Variants in CHURC1 observed in about 807,000 individuals in gnomAD.
CHURC1 encodes the protein protein Churchill.
A neutral mutation model predicts 15.4 loss-of-function variants in CHURC1; 12 were observed. The ratio of observed to expected loss-of-function variants is 0.78; its 90% CI spans 0.50 to 1.27. CHURC1 has a LOEUF of 1.27. Among genes scored for constraint, CHURC1 ranks in the 50% most tolerant of loss-of-function variants. The pLI, the probability that CHURC1 is intolerant of heterozygous loss-of-function variation, is 0.00. For missense variants in CHURC1, 132 were observed against 137.8 expected, an observed-to-expected ratio of 0.96 and a Z score of 0.21; for synonymous variants, 42 against 47.5, an observed-to-expected ratio of 0.88 and a Z score of 0.48.
intron 1 of CHURC1, 79 bp from the exon 2 acceptor site, chr14:64,923,912 G>A: frequency 1.6e-6 from 2 of 1,284,584 alleles, no homozygotes; most frequent in South Asian, 4.7e-5. Flanking sequence ...TTTGCCTTTA[G>A]ACATTTTAAG....
intron 1 of CHURC1, among the ~76,000 whole-genome samples, chr14:64,918,984 C>A (rs372284801): frequency 2.0e-5 from 3 of 152,336 alleles, no homozygotes; most frequent in Non-Finnish European, 4.4e-5. Context: ...GTACTGAATT[C>A]TTAATGGGGC....
intron 1 of CHURC1, among the ~76,000 whole-genome samples, chr14:64,917,298 C>T (rs1222844431): frequency 6.6e-6 from 1 of 152,200 alleles, no homozygotes; most frequent in African/African-American, 2.4e-5. Context: ...CACGGTGGCT[C>T]ACGCCTATAA....
chr14:64,925,791 A>C (rs1884651707), intron 2 of CHURC1, among the ~76,000 whole-genome samples: 2 of 150,912 alleles, frequency 1.3e-5, no homozygotes, highest in African/African-American at 4.9e-5. Flanking sequence ...TTTTGGTGGC[A>C]ATTAATAAAA....
chr14:64,926,352 C>T (rs959860979), intron 3 of CHURC1, among the ~76,000 whole-genome samples: 4 of 151,838 alleles, frequency 2.6e-5, no homozygotes, highest in African/African-American at 9.7e-5. Context: ...AGCCCCATGC[C>T]TTTCTTATAT....
At chr14:64,914,961 GA>G (rs1197787345) in intron 1 of CHURC1, among the ~76,000 whole-genome samples, 1 of 152,254 alleles carries the variant, frequency 6.6e-6, no homozygotes, top group Non-Finnish European at 1.5e-5. Flanking sequence ...CCAGAGAGGG[GA>G]AATCACTTGC....
intron 1 of CHURC1, 27 bp downstream of exon 1, chr14:64,914,561 C>T (rs774359516): frequency 5.6e-6 from 9 of 1,613,718 alleles, no homozygotes; most frequent in Non-Finnish European, 6.8e-6. Flanking sequence ...TCCCTTGGCC[C>T]GCGGGCGGCC....
At chr14:64,923,758 C>T (rs1594896049) in intron 1 of CHURC1, among the ~76,000 whole-genome samples, 1 of 141,462 alleles carries the variant, frequency 7.1e-6, no homozygotes, top group South Asian at 2.3e-4. Context: ...TCCTTACAGA[C>T]TTAAGGATCT....
chr14:64,928,851 G>T (rs894055672), intron 3 of CHURC1, among the ~76,000 whole-genome samples: 1 of 151,916 alleles, frequency 6.6e-6, no homozygotes, highest in African/African-American at 2.4e-5. Flanking sequence ...CTGTTTTCTC[G>T]AAGTGATACT....
intron 1 of CHURC1, among the ~76,000 whole-genome samples, chr14:64,917,871 G>GA (rs1323964844): frequency 1.3e-5 from 2 of 152,192 alleles, no homozygotes; most frequent in African/African-American, 4.8e-5. Flanking sequence ...CATATGGGAA[G>GA]AAAAAACAAA....
intron 2 of CHURC1, chr14:64,924,494 A>G (rs28374620): frequency 0.036 from 5,521 of 154,856 alleles, 209 homozygotes; most frequent in African/African-American, 0.094. Flanking sequence ...CTGCTACAGT[A>G]TAATACCATG....
intron 1 of CHURC1, among the ~76,000 whole-genome samples, chr14:64,922,414 T>TA (rs1304768125): frequency 1.3e-5 from 2 of 151,574 alleles, no homozygotes; most frequent in Non-Finnish European, 2.9e-5. Context: ...CCATCTCTAC[T>TA]AAAAATACGA....
At chr14:64,918,864 G>A (rs1884075977) in intron 1 of CHURC1, among the ~76,000 whole-genome samples, 1 of 152,112 alleles carries the variant, frequency 6.6e-6, no homozygotes, top group Non-Finnish European at 1.5e-5. Flanking sequence ...AAAATCATTT[G>A]TTGGGAAGCT....
chr14:64,934,817 A>T lies in CHURC1; in HGVS notation c.*2587A>T. 4.1e-6 allele frequency: 4 copies of T among 985,328 alleles called. No individual in the cohort carries two copies. The highest frequency in any genetic ancestry group is 4.8e-6 in the Non-Finnish European group (4 of 829,826). 61.0% of individuals were successfully genotyped at this position (985,328 alleles called of 1,614,324 possible). On this transcript the variant is annotated 3_prime_UTR_variant, in exon 4 of 4. Transcript: ENST00000549115. The stretch of plus-strand genomic sequence containing the variant: ...TTTTATATGCCCTGCCAATGTCCTC[A>T]TCTATTGCAGAATGTATAATTATCT...
In CHURC1 at chr14:64,934,806, C is replaced by T; in HGVS notation, c.*2576C>T. The T allele has an allele frequency of 1.0e-6, 1 of 985,308 alleles. No homozygotes were observed. The highest frequency in any genetic ancestry group is 1.2e-6 in the Non-Finnish European group (1 of 829,862). 61.0% of individuals were successfully genotyped at this position (985,308 alleles called of 1,614,324 possible). On this transcript the variant is annotated 3_prime_UTR_variant, in exon 4 of 4. Transcript: ENST00000549115. ...CAAGAGTCTAATTTTATATGCCCTG[C>T]CAATGTCCTCATCTATTGCAGAATG... is the stretch of plus-strand genomic sequence containing the variant.
intron 1 of CHURC1, among the ~76,000 whole-genome samples, chr14:64,917,065 A>G (rs1883941000): frequency 6.6e-6 from 1 of 152,194 alleles, no homozygotes. Context: ...GTGTGTAAAG[A>G]CAGAACTCCA....
At chr14:64,920,728 CAG>C (rs138436402) in intron 1 of CHURC1, among the ~76,000 whole-genome samples, 2 of 152,334 alleles carry the variant, frequency 1.3e-5, no homozygotes, top group East Asian at 3.9e-4. Context: ...CAGTCCAGTT[CAG>C]AGTTATATTT....
chr14:64,921,475 TAAAC>T (rs1374994859), intron 1 of CHURC1, among the ~76,000 whole-genome samples: 1 of 83,772 alleles, frequency 1.2e-5, no homozygotes, highest in Non-Finnish European at 2.3e-5. Flanking sequence ...CAACTCAAAA[TAAAC>T]AACCTAACTT....
intron 1 of CHURC1, among the ~76,000 whole-genome samples, chr14:64,923,448 A>C (rs987936444): frequency 6.6e-6 from 1 of 152,174 alleles, no homozygotes; most frequent in Non-Finnish European, 1.5e-5. Flanking sequence ...CTCTGCCTCA[A>C]TCATGTGTAT....
intron 1 of CHURC1, among the ~76,000 whole-genome samples, chr14:64,916,732 C>T (rs1257954131): frequency 6.6e-6 from 1 of 152,060 alleles, no homozygotes; most frequent in Non-Finnish European, 1.5e-5. Context: ...TGCCCACCAC[C>T]ATGCCCAGCT....
Sources: allele counts gnomAD v4.1 joint callset (sites outside exome capture counted in the v4.1 genomes callset), GRCh38; gene constraint gnomAD v4.1.1; transcripts MANE v1.5; gene names NCBI Gene and HGNC (gene_info 2026-07-23, HGNC 2026-07-21).